The following SLC9C1 variants were observed in gnomAD, a reference collection of about 807,000 sequenced individuals.
SLC9C1 encodes the protein sodium/hydrogen exchanger 10.
SLC9C1 carries 97 observed loss-of-function variants against 140.9 expected under a neutral mutation model. The observed-to-expected ratio is 0.69, with a 90% confidence interval of 0.58 to 0.82. SLC9C1 has a LOEUF of 0.82. Among genes scored for constraint, SLC9C1 ranks in the 40% least tolerant of loss-of-function variants. SLC9C1 has a pLI of 0.00. For missense variants in SLC9C1, 1,340 were observed against 1,389.3 expected (o/e 0.96, Z 0.56); for synonymous variants, 440 against 442.6 (o/e 0.99, Z 0.07).
At chr3:112,164,282 A>T (rs2107899610) in intron 26 of SLC9C1, among the ~76,000 whole-genome samples, 1 of 148,626 alleles carries the variant, frequency 6.7e-6, no homozygotes, top group Middle Eastern at 3.4e-3. Context: ...ATTTAAAGTT[A>T]ATATTGTTTT....
At position 112,285,066 on chromosome 3, in the gene SLC9C1, A is replaced by C. The variant is rs567185528; in HGVS notation, c.88+1638T>G. ...CAGTGGCATGATCTCGGCTCACTGC[A>C]AGCTCCGCCTCCTGGGTTCATGCCA... On this transcript the variant is annotated intron_variant, in intron 2 of 28. Transcript: ENST00000305815. 6.1e-3 allele frequency among the ~76,000 whole-genome samples: 836 copies of C among 137,340 alleles called. 14 individuals are homozygous for C. Among genetic ancestry groups the C allele is most frequent in the Non-Finnish European group, 0.01 (678 of 66,322 alleles). 90.1% of individuals were successfully genotyped at this position (137,340 alleles called of 152,430 possible).
intron 2 of SLC9C1, among the ~76,000 whole-genome samples, 174 bp downstream of exon 2, chr3:112,286,530 C>T (rs1475448024): frequency 1.3e-5 from 2 of 152,188 alleles, no homozygotes; most frequent in South Asian, 2.1e-4. Flanking sequence ...TTCTACACGT[C>T]TCTCCATAGG....
At chr3:112,243,608 C>T (rs1240285162) in intron 11 of SLC9C1, among the ~76,000 whole-genome samples, 1 of 152,052 alleles carries the variant, frequency 6.6e-6, no homozygotes, top group Non-Finnish European at 1.5e-5. Flanking sequence ...ACACAATATA[C>T]CCATGTAACC....
intron 28 of SLC9C1, among the ~76,000 whole-genome samples, chr3:112,148,673 G>C (rs925054311): frequency 6.6e-6 from 1 of 152,130 alleles, no homozygotes; most frequent in South Asian, 2.1e-4. Flanking sequence ...TACTTGACCC[G>C]TGTTTACTGG....
At chr3:112,288,037 C>T (rs566870465) in intron 1 of SLC9C1, among the ~76,000 whole-genome samples, 3 of 86,004 alleles carry the variant, frequency 3.5e-5, no homozygotes, top group African/African-American at 8.2e-5. Flanking sequence ...AGCAAGACTC[C>T]GTCTCAAAAA....
rs775401526 is a variant in SLC9C1, at chr3:112,155,065, A to G, written c.3365-16T>C. 1.3e-6 allele frequency: 2 copies of G among 1,597,596 alleles called. No individual in the cohort carries two copies. Among genetic ancestry groups the G allele is most frequent in the Non-Finnish European group, 1.7e-6 (2 of 1,175,190 alleles). The stretch of plus-strand genomic sequence containing the variant: ...CCAACTGAACCTGATTAAAAAAAAA[A>G]AAAACAGTGTTAATTCAACCACTGA... On this transcript the variant is annotated splice_polypyrimidine_tract_variant and intron_variant, in intron 26 of 28. Transcript: ENST00000305815.
At chr3:112,201,880 G>A (rs998992626) in intron 18 of SLC9C1, among the ~76,000 whole-genome samples, 4 of 151,984 alleles carry the variant, frequency 2.6e-5, no homozygotes, top group Non-Finnish European at 5.9e-5. Flanking sequence ...TGGGCATTAT[G>A]AGGAAGCCCT....
At chr3:112,252,220 A>G (rs903379366) in intron 10 of SLC9C1, among the ~76,000 whole-genome samples, 5 of 151,772 alleles carry the variant, frequency 3.3e-5, no homozygotes, top group African/African-American at 1.2e-4. Context: ...AGGGACTGGA[A>G]AAGTCCCCCA....
chr3:112,225,687 C>A (rs2078665319), intron 13 of SLC9C1, among the ~76,000 whole-genome samples: 2 of 152,032 alleles, frequency 1.3e-5, no homozygotes, highest in Admixed American at 6.6e-5. Flanking sequence ...ACTCACTTCA[C>A]CTGTAAAGAC....
At chr3:112,286,570 A>C (rs1158702588) in intron 2 of SLC9C1, 134 bp downstream of exon 2, 1 of 661,536 alleles carries the variant, frequency 1.5e-6, no homozygotes, top group East Asian at 3.1e-5. Context: ...CATTTGATTG[A>C]AAATATTGAG....
At position 112,179,511 on chromosome 3, in the gene SLC9C1, A is replaced by T. The variant is rs200451407; in HGVS notation, c.2919+20T>A. On this transcript the variant is annotated intron_variant, in intron 23 of 28. Transcript: ENST00000305815. ...TATTTAACAAAATACAACAAAAGTC[A>T]CAGGCGAAGTTTTTCTGACCTCCAC... 15 of 1,586,566 alleles carry T rather than the reference A, an allele frequency of 9.5e-6. No individual in the cohort carries two copies. The Admixed American group carries it at 2.1e-4, about 22-fold the overall frequency.
intron 1 of SLC9C1, among the ~76,000 whole-genome samples, chr3:112,292,200 A>G (rs1420367136): frequency 1.3e-5 from 2 of 152,218 alleles, no homozygotes; most frequent in East Asian, 1.9e-4. Flanking sequence ...TAATTTGTAC[A>G]ACAAATCTCC....
intron 20 of SLC9C1, chr3:112,185,650 G>A (rs572913993): frequency 1.3e-6 from 2 of 1,562,598 alleles, no homozygotes; most frequent in Non-Finnish European, 1.7e-6. Context: ...GCTCCTTGGC[G>A]GTCCAGTGAG....
intron 16 of SLC9C1, 21 bp downstream of exon 16, chr3:112,208,157 C>A (rs367655611): frequency 9.0e-5 from 139 of 1,552,268 alleles, no homozygotes; most frequent in Non-Finnish European, 1.2e-4. Flanking sequence ...CACTTCCATA[C>A]ACACATAAAT....
At chr3:112,144,799 C>G (rs899293464) in intron 28 of SLC9C1, among the ~76,000 whole-genome samples, 1 of 152,120 alleles carries the variant, frequency 6.6e-6, no homozygotes, top group Admixed American at 6.5e-5. Context: ...ATTCTGCATC[C>G]TGAAACTTTG....
At chr3:112,192,851 G>A (rs1466866608) in intron 20 of SLC9C1, among the ~76,000 whole-genome samples, 1 of 152,152 alleles carries the variant, frequency 6.6e-6, no homozygotes, top group Non-Finnish European at 1.5e-5. Flanking sequence ...GTATCTGTTA[G>A]TAGAGAGTTA....
At chr3:112,272,793 G>A (rs2108322126) in intron 6 of SLC9C1, among the ~76,000 whole-genome samples, 1 of 152,222 alleles carries the variant, frequency 6.6e-6, no homozygotes, top group South Asian at 2.1e-4. Context: ...CTCTATGGAG[G>A]CAAGGGGATT....
rs1465889145 is a variant in SLC9C1, at chr3:112,243,980, A to G, written c.1279+15T>C. The G allele has an allele frequency of 6.6e-7, 1 of 1,525,254 alleles. No individual in the cohort carries two copies. Among genetic ancestry groups the G allele is most frequent in the East Asian group, 2.3e-5 (1 of 43,242 alleles). The allele number at this position is 1,525,254 out of a possible 1,614,324, so 94.5% of individuals were successfully genotyped here. On this transcript the variant is annotated intron_variant, in intron 11 of 28. Coordinates refer to ENST00000305815, the MANE Select transcript of SLC9C1 (RefSeq NM_183061.3). ...TGTTTTTCTCTCCACAGGAATAGTA[A>G]CTGTTAGGGCTTACCTAGTATAGTA...
At chr3:112,232,733 C>A (rs2078862514) in intron 12 of SLC9C1, among the ~76,000 whole-genome samples, 1 of 152,018 alleles carries the variant, frequency 6.6e-6, no homozygotes, top group African/African-American at 2.4e-5. Flanking sequence ...GTGAAGACCC[C>A]AGGACAACTT....
Sources: allele counts gnomAD v4.1 joint callset (sites outside exome capture counted in the v4.1 genomes callset), GRCh38; gene constraint gnomAD v4.1.1; transcripts MANE v1.5; gene names NCBI Gene and HGNC (gene_info 2026-07-23, HGNC 2026-07-21).